Variants in GNAS observed in about 807,000 individuals in gnomAD.
GNAS encodes GNAS complex locus.
A neutral mutation model predicts 54.5 loss-of-function variants in GNAS; 8 were observed. The ratio of observed to expected loss-of-function variants is 0.15; its 90% CI spans 0.09 to 0.26. GNAS has a LOEUF of 0.26. GNAS is among the 10% of genes least tolerant of loss of function. The pLI, the probability that GNAS is intolerant of heterozygous loss-of-function variation, is 1.00. For synonymous variants in GNAS, 204 were observed against 191.4 expected (o/e 1.07, Z -0.54); for missense variants, 170 against 529.8 (o/e 0.32, Z 6.67).
At position 58,909,923 on chromosome 20, in the gene GNAS, A is replaced by G. The variant is rs1226522837; in HGVS notation, c.840-28A>G. 6 of 1,613,884 alleles carry G rather than the reference A, an allele frequency of 3.7e-6. No individual in the cohort carries two copies. The highest frequency in any genetic ancestry group is 4.2e-6 in the Non-Finnish European group (5 of 1,179,958). On this transcript the variant is annotated intron_variant, in intron 10 of 12. Transcript: ENST00000371085. The surrounding 1 kb of genome is among the most constrained non-coding windows in gnomAD (Gnocchi z 7.3). ...CCTGGCCGAAAGCGCGCTTCTCCCA[A>G]GCATTCACACGGCCTCCCTTCTTGT...
At chr20:58,859,859 C>T (rs111348250) in intron 1 of GNAS, among the ~76,000 whole-genome samples, 7 of 151,942 alleles carry the variant, frequency 4.6e-5, no homozygotes, top group East Asian at 1.9e-4. Flanking sequence ...CTCCTGACCT[C>T]GTGATCCGCC....
upstream of GNAS, chr20:58,889,497 CT>C (rs1335587103): frequency 3.9e-6 from 1 of 258,702 alleles, no homozygotes; most frequent in African/African-American, 2.3e-5. Context: ...AATTCTCTCT[CT>C]TTTCTCTTCT....
At chr20:58,906,940 AGTAGAG>A (rs781651144) in intron 6 of GNAS, among the ~76,000 whole-genome samples, 1 of 152,212 alleles carries the variant, frequency 6.6e-6, no homozygotes, top group Non-Finnish European at 1.5e-5. Flanking sequence ...AGGGGAGTCT[AGTAGAG>A]GTTTGATGTT....
chr20:58,892,805 T>C (rs895236863), intron 1 of GNAS, among the ~76,000 whole-genome samples: 1 of 151,724 alleles, frequency 6.6e-6, no homozygotes, highest in Non-Finnish European at 1.5e-5. Context: ...CAGTGTGACC[T>C]TTTTTTCCCC....
intron 1 of GNAS, among the ~76,000 whole-genome samples, chr20:58,892,811 T>A (rs2089605785): frequency 1.3e-5 from 2 of 151,796 alleles, no homozygotes; most frequent in Non-Finnish European, 2.9e-5. Context: ...GACCTTTTTT[T>A]CCCCTTCCAG....
In GNAS at chr20:58,853,644, G is replaced by A; in HGVS notation, c.43+12758G>A. 6.2e-7 allele frequency: 1 copy of A among 1,613,516 alleles called. No individual in the cohort carries two copies. Among genetic ancestry groups the A allele is most frequent in the Admixed American group, 1.7e-5 (1 of 60,034 alleles). ...GGAGCAGCCTGGATTCCCCAGTGGG[G>A]TCCATGCAGGCCTTGAGGCCTTCGG... On this transcript the variant is annotated intron_variant, in intron 1 of 12. Transcript: ENST00000306090. The surrounding 1 kb of genome is among the most constrained non-coding windows in gnomAD (Gnocchi z 4.4).
chr20:58,892,198 C>A lies in GNAS; in HGVS notation c.139+333C>A, dbSNP rs1422500683. 5 of 977,384 alleles carry A rather than the reference C, an allele frequency of 5.1e-6. No homozygotes were observed. The East Asian group carries it at 5.8e-4, about 113-fold the overall frequency. The allele number at this position is 977,384 out of a possible 1,614,324, so 60.5% of individuals were successfully genotyped here. Reference sequence around the variant, plus strand: ...CTTTTTCCGCGAGGCCTACACGACGCCAGGGGTTTGGGTGCGTGTTGGGGA... The same window carrying A: ...CTTTTTCCGCGAGGCCTACACGACGACAGGGGTTTGGGTGCGTGTTGGGGA... On this transcript the variant is annotated intron_variant, in intron 1 of 12. Coordinates refer to ENST00000371085, the MANE Select transcript of GNAS (RefSeq NM_000516.7).
chr20:58,867,294 C>T lies in GNAS; in HGVS notation c.43+26408C>T, dbSNP rs1045861291. Among the ~76,000 whole-genome samples the T allele has an allele frequency of 4.6e-5, 7 of 152,302 alleles. No homozygotes were observed. In the East Asian group the frequency reaches 1.3e-3, roughly 29 times the overall value. ...ATTTATAATTAAGCATTTTTAGCTG[C>T]TAAAAGGAAGCACATTAGATCATTT... On this transcript the variant is annotated intron_variant, in intron 1 of 12. Coordinates refer to the GNAS transcript ENST00000306090.
Position 58,853,190 on chromosome 20 carries a change from AT to A in GNAS, c.43+12310del, listed in dbSNP as rs577751261. 4.8e-6 allele frequency: 7 copies of A among 1,450,400 alleles called. No individual in the cohort carries two copies. In the African/African-American group the frequency reaches 1.0e-4, roughly 21 times the overall value. 89.8% of individuals were successfully genotyped at this position (1,450,400 alleles called of 1,614,324 possible). The stretch of plus-strand genomic sequence containing the variant: ...CTTTGATTTTAAAATAATAATAATA[AT>A]TTTTTCACCCTAGTTCGGTTGGGTG... On this transcript the variant is annotated intron_variant, in intron 1 of 12. Transcript: ENST00000306090. The surrounding 1 kb of genome is among the most constrained non-coding windows in gnomAD (Gnocchi z 4.4).
chr20:58,868,701 C>T (rs767543278), intron 1 of GNAS, among the ~76,000 whole-genome samples: 1 of 152,170 alleles, frequency 6.6e-6, no homozygotes, highest in African/African-American at 2.4e-5. Flanking sequence ...ATTTCTTTCT[C>T]ACTTTTCCTT....
At chr20:58,907,534 G>T (rs377022501) in intron 6 of GNAS, among the ~76,000 whole-genome samples, 1 of 152,298 alleles carries the variant, frequency 6.6e-6, no homozygotes, top group South Asian at 2.1e-4. Context: ...TTGAATGCTG[G>T]GGGGGCAGGG....
At chr20:58,896,299 A>G (rs1365235578) in intron 2 of GNAS, among the ~76,000 whole-genome samples, 1 of 152,182 alleles carries the variant, frequency 6.6e-6, no homozygotes, top group African/African-American at 2.4e-5. Flanking sequence ...AAAACAAATC[A>G]GTACCCCTGC....
chr20:58,871,613 G>GAAAAAAAAAAAAAAAAAAA (rs757702769), intron 1 of GNAS, among the ~76,000 whole-genome samples: 14 of 32,666 alleles, frequency 4.3e-4, no homozygotes, highest in Non-Finnish European at 7.9e-4. Context: ...ATACTCCGTC[G>GAAAAAAAAAAAAAAAAAAA]AAAAAAAAAA....
chr20:58,873,560 T>C lies in GNAS; in HGVS notation c.44-22052T>C, dbSNP rs1031817034. 6.6e-6 allele frequency among the ~76,000 whole-genome samples: 1 copy of C among 152,182 alleles called. No individual in the cohort carries two copies. ...GTTATTTCCTAATTTTTTGGTTAAC[T>C]TGAAGGTCGAAATAGCCTTACTCCT... On this transcript the variant is annotated intron_variant, in intron 1 of 12. Coordinates refer to the GNAS transcript ENST00000306090. This position sits in a 1 kb window ranked among gnomAD's most constrained non-coding sequence, Gnocchi z 4.3.
intron 5 of GNAS, 95 bp from the exon 6 acceptor site, chr20:58,905,288 C>A: frequency 1.3e-6 from 1 of 783,212 alleles, no homozygotes; most frequent in Non-Finnish European, 2.3e-6. Context: ...AAGTGTCGGT[C>A]ACATAGGGAA....
intron 1 of GNAS, among the ~76,000 whole-genome samples, chr20:58,883,452 G>A (rs941631233): frequency 6.6e-6 from 1 of 152,168 alleles, no homozygotes; most frequent in Non-Finnish European, 1.5e-5. Flanking sequence ...GTGGCTGTGG[G>A]TAGAGCTGAG....
At chr20:58,862,247 TC>T (rs1568936991) in intron 1 of GNAS, among the ~76,000 whole-genome samples, 1 of 151,898 alleles carries the variant, frequency 6.6e-6, no homozygotes, top group Admixed American at 6.6e-5. Context: ...AACCTCTGCC[TC>T]CCGGGTTCAA....
At position 58,855,236 on chromosome 20, in the gene GNAS, C is replaced by G. The variant is rs530099312; in HGVS notation, c.43+14350C>G. On this transcript the variant is annotated intron_variant, in intron 1 of 12. Coordinates refer to the GNAS transcript ENST00000306090. ...GCAAAGAAGCCCTGGAGAAGCGGGC[C>G]CAGAAGCGCGCAGAGAAGAAACGCA... 2.5e-6 allele frequency: 4 copies of G among 1,592,814 alleles called. No individual in the cohort carries two copies. In the East Asian group the frequency reaches 9.2e-5, roughly 37 times the overall value.
At chr20:58,894,358 C>T (rs2089833943) in intron 1 of GNAS, among the ~76,000 whole-genome samples, 1 of 152,164 alleles carries the variant, frequency 6.6e-6, no homozygotes, top group Admixed American at 6.5e-5. Context: ...CAGAGTTAGG[C>T]TCATTAAGAT....
Sources: allele counts gnomAD v4.1 joint callset (sites outside exome capture counted in the v4.1 genomes callset), GRCh38; gene constraint gnomAD v4.1.1; non-coding constraint Gnocchi (gnomAD v3.1); transcripts MANE v1.5; gene names NCBI Gene and HGNC (gene_info 2026-07-23, HGNC 2026-07-21).